The following CCDC88A variants were observed in gnomAD, a reference collection of about 807,000 sequenced individuals.
CCDC88A encodes girdin.
In CCDC88A, 54 loss-of-function variants were observed where a neutral mutation model predicts 234.3. That is an observed-to-expected ratio of 0.23 (90% confidence interval 0.19 to 0.29). The LOEUF (loss-of-function observed/expected upper bound fraction) is 0.29. Ranked by LOEUF, CCDC88A falls within the 10% of genes least tolerant of loss-of-function variation. The pLI is 1.00. For missense variants in CCDC88A, 1,832 were observed against 2,123.4 expected, an observed-to-expected ratio of 0.86 and a Z score of 2.70; for synonymous variants, 753 against 737.8, an observed-to-expected ratio of 1.02 and a Z score of -0.33.
intron 15 of CCDC88A, among the ~76,000 whole-genome samples, chr2:55,333,343 G>C (rs1329245124): frequency 6.6e-6 from 1 of 152,092 alleles, no homozygotes; most frequent in Non-Finnish European, 1.5e-5. Flanking sequence ...CTTCTGACTT[G>C]CATCAACCAT....
At chr2:55,385,823 A>G (rs564992659) in intron 3 of CCDC88A, among the ~76,000 whole-genome samples, 3 of 126,978 alleles carry the variant, frequency 2.4e-5, no homozygotes, top group Non-Finnish European at 4.7e-5. Context: ...ATTGCACTCC[A>G]GCCTAGGTAA....
chr2:55,330,421 C>T (rs1313626499), intron 16 of CCDC88A, among the ~76,000 whole-genome samples: 5 of 151,796 alleles, frequency 3.3e-5, no homozygotes, highest in Middle Eastern at 3.2e-3. Flanking sequence ...TGCAGTGAGC[C>T]GAGATTGTGC....
chr2:55,365,602 T>C (rs1396267987), intron 5 of CCDC88A, among the ~76,000 whole-genome samples: 1 of 152,166 alleles, frequency 6.6e-6, no homozygotes, highest in Non-Finnish European at 1.5e-5. Flanking sequence ...TAGCACAATC[T>C]CAACACAAAT....
chr2:55,322,040 T>C (rs1454563268), intron 18 of CCDC88A, among the ~76,000 whole-genome samples: 3 of 152,190 alleles, frequency 2.0e-5, no homozygotes, highest in Non-Finnish European at 4.4e-5. Flanking sequence ...TGTTGTTTAC[T>C]GTCAAGTATA....
In CCDC88A at chr2:55,317,607, C is replaced by A; in HGVS notation, c.3559G>T (p.Ala1187Ser). Residue 1187 changes from alanine to serine, a missense_variant, in exon 20 of 33, where the codon GCC becomes TCC. Coordinates refer to ENST00000436346, the MANE Select transcript of CCDC88A (RefSeq NM_001365480.1). This position sits in a 1 kb window ranked among gnomAD's most constrained non-coding sequence, Gnocchi z 4.2. ...LISKHGTLKS[A>S]HKNLEVEHRD... ...TGTTCCACCTCAAGATTTTTGTGGG[C>A]AGACTTCAGAGTTCCATGTTTAGAG... 1 of 1,589,170 alleles carries A rather than the reference C, an allele frequency of 6.3e-7. No individual in the cohort carries two copies. Among genetic ancestry groups the A allele is most frequent in the Non-Finnish European group, 8.6e-7 (1 of 1,162,522 alleles).
chr2:55,334,615 G>T lies in CCDC88A; in HGVS notation c.2206C>A (p.Gln736Lys), dbSNP rs1288976385. 10 of 1,613,328 alleles carry T rather than the reference G, an allele frequency of 6.2e-6. No individual in the cohort carries two copies. The highest frequency in any genetic ancestry group is 8.5e-6 in the Non-Finnish European group (10 of 1,179,788). ...ENKELESEKE[Q>K]LKKGLELLKA... ...AGGAGCTCCAAACCCTTCTTAAGTT[G>T]CTCTTTTTCACTTTCCAGTTCTTTG... is the stretch of plus-strand genomic sequence containing the variant. The change falls in exon 15 of 33, where the codon CAA (glutamine) becomes AAA (lysine). Residue 736 changes from glutamine to lysine, a missense_variant. Gln to Lys is a moderately conservative substitution (Grantham distance 53). Around this residue, in one of 6 missense-constraint regions of CCDC88A, gnomAD observed 1,282 missense variants for 1,543.6 expected, o/e 0.83. Coordinates refer to ENST00000436346, the MANE Select transcript of CCDC88A (RefSeq NM_001365480.1). This position sits in a 1 kb window ranked among gnomAD's most constrained non-coding sequence, Gnocchi z 6.1.
chr2:55,391,152 A>G (rs1331593094), intron 2 of CCDC88A, among the ~76,000 whole-genome samples: 3 of 152,246 alleles, frequency 2.0e-5, no homozygotes, highest in African/African-American at 7.2e-5. Flanking sequence ...AGAGTGGAGT[A>G]GACTTAATGA....
chr2:55,305,744 A>G (rs1026230668), intron 25 of CCDC88A, among the ~76,000 whole-genome samples: 4 of 152,076 alleles, frequency 2.6e-5, no homozygotes, highest in African/African-American at 7.2e-5. Flanking sequence ...AGTCCCAGCT[A>G]TTTGGGAGGA....
At position 55,308,928 on chromosome 2, in the gene CCDC88A, G is replaced by T; in HGVS notation, c.4268C>A (p.Thr1423Asn). ...ERQKSLTLTP[T>N]RSDSSEGFLQ... ...AAATCCTTCACTGGAGTCTGAGCGG[G>T]TGGGTGTTAATGTTAGAGATTTCTG... The change falls in exon 25 of 33, where the codon ACC becomes AAC. Residue 1423 changes from threonine to asparagine, a missense_variant. Coordinates refer to ENST00000436346, the MANE Select transcript of CCDC88A (RefSeq NM_001365480.1). 1 of 1,613,916 alleles carries T rather than the reference G, an allele frequency of 6.2e-7. No individual in the cohort carries two copies. The highest frequency in any genetic ancestry group is 8.5e-7 in the Non-Finnish European group (1 of 1,179,794).
chr2:55,416,484 A>ATATATATATATATATG (rs1558860400), intron 2 of CCDC88A, among the ~76,000 whole-genome samples: 1 of 80,118 alleles, frequency 1.2e-5, no homozygotes. Context: ...ATATATATAT[A>ATATATATATATATATG]TATGTATATA....
chr2:55,418,960 C>T (rs1558865223), intron 1 of CCDC88A, 44 bp from the exon 2 acceptor site: 1 of 1,594,556 alleles, frequency 6.3e-7, no homozygotes, highest in Admixed American at 1.7e-5. Context: ...CGCCCACCTC[C>T]ATCTCTGCAG....
At chr2:55,388,363 T>A (rs1052762988) in intron 3 of CCDC88A, among the ~76,000 whole-genome samples, 1 of 152,064 alleles carries the variant, frequency 6.6e-6, no homozygotes, top group Non-Finnish European at 1.5e-5. Context: ...GCAATGCAGA[T>A]ATAGCAATTT....
Position 55,317,713 on chromosome 2 carries a change from A to G in CCDC88A, c.3453T>C (p.Ser1151=). ...SVIKEREDLK[S]LYDSLIKDHE... is the part of the protein sequence containing the mutation. ...GATCTTTGATCAGAGAATCATAGAG[A>G]GATTTTAGGTCTTCTCGCTCTTTGA... The change falls in exon 20 of 33, where the codon TCT becomes TCC. Residue 1151 remains serine (S), a synonymous_variant. Transcript: ENST00000436346. The surrounding 1 kb of genome is among the most constrained non-coding windows in gnomAD (Gnocchi z 4.2). The G allele has an allele frequency of 6.2e-7, 1 of 1,613,550 alleles. No individual in the cohort carries two copies. The highest frequency in any genetic ancestry group is 8.5e-7 in the Non-Finnish European group (1 of 1,179,690).
chr2:55,350,736 T>G (rs1156400007), intron 8 of CCDC88A: 1 of 152,224 alleles, frequency 6.6e-6, no homozygotes, highest in East Asian at 1.9e-4. Flanking sequence ...CACAGCTCAC[T>G]GCAACCCTGA....
chr2:55,319,093 G>T, intron 18 of CCDC88A, 89 bp from the exon 19 acceptor site: 3 of 999,518 alleles, frequency 3.0e-6, no homozygotes, highest in Non-Finnish European at 4.2e-6. Context: ...TATACAATGA[G>T]TATTTATTAG....
chr2:55,373,168 T>C (rs1471932049), intron 4 of CCDC88A, among the ~76,000 whole-genome samples: 1 of 152,184 alleles, frequency 6.6e-6, no homozygotes, highest in African/African-American at 2.4e-5. Context: ...TTGGGCCAGA[T>C]TTTCACCACT....
In CCDC88A at chr2:55,349,553, G is replaced by C; in HGVS notation, c.847C>G (p.Gln283Glu). 6.2e-7 allele frequency: 1 copy of C among 1,612,630 alleles called. No individual in the cohort carries two copies. Among genetic ancestry groups the C allele is most frequent in the Non-Finnish European group, 8.5e-7 (1 of 1,179,410 alleles). Residue 283 changes from glutamine to glutamate, a missense_variant, in exon 9 of 33, where the codon CAA (glutamine) becomes GAA (glutamate). Around this residue, in one of 6 missense-constraint regions of CCDC88A, gnomAD observed 1,282 missense variants for 1,543.6 expected, o/e 0.83. Transcript: ENST00000436346. ...QLLDCKQELE[Q>E]MEIELKRLQQ... The stretch of plus-strand genomic sequence containing the variant: ...AGCCTTTTGAGTTCTATTTCCATTT[G>C]CTCAAGTTCTTGTTTACAATCCAAC...
chr2:55,315,247 T>C (rs984553983), intron 22 of CCDC88A: 1 of 152,220 alleles, frequency 6.6e-6, no homozygotes, highest in South Asian at 2.1e-4. Flanking sequence ...AGTAGAAAAG[T>C]TGCTGTTTTT....
chr2:55,390,122 C>T (rs1676405125), intron 2 of CCDC88A, among the ~76,000 whole-genome samples: 1 of 35,036 alleles, frequency 2.9e-5, no homozygotes, highest in Admixed American at 3.8e-4. Context: ...AAACCCACTA[C>T]AGGCTAACAA....
Sources: gnomAD v4.1 joint callset for allele counts (sites outside exome capture counted in the v4.1 genomes callset) on GRCh38, gnomAD v4.1.1 for gene constraint, gnomAD v4.1.1 regional missense constraint, Gnocchi (gnomAD v3.1) non-coding constraint, MANE v1.5 for transcripts, NCBI Gene and HGNC (gene_info 2026-07-23, HGNC 2026-07-21) for gene names.